The following BPTF variants were observed in gnomAD, a reference collection of about 807,000 sequenced individuals.
The protein encoded by BPTF is nucleosome-remodeling factor subunit BPTF.
BPTF carries 18 observed loss-of-function variants against 292.5 expected under a neutral mutation model. The observed-to-expected ratio is 0.06, with a 90% CI of 0.04 to 0.09. BPTF has a LOEUF of 0.09. Among genes scored for constraint, BPTF ranks in the 10% least tolerant of loss-of-function variants. The pLI is 1.00. For synonymous variants in BPTF, 1,225 were observed against 1,251.9 expected, an observed-to-expected ratio of 0.98 and a Z score of 0.45; for missense variants, 2,726 against 3,498.7, an observed-to-expected ratio of 0.78 and a Z score of 5.57.
At chr17:67,829,848 T>C (rs544452401) in intron 1 of BPTF, among the ~76,000 whole-genome samples, 13 of 152,324 alleles carry the variant, frequency 8.5e-5, no homozygotes, top group South Asian at 2.1e-4. Flanking sequence ...TCACTCCTAA[T>C]ACAAGAAATA....
chr17:67,954,070 T>G (rs2066686603), intron 23 of BPTF, among the ~76,000 whole-genome samples: 1 of 137,094 alleles, frequency 7.3e-6, no homozygotes, highest in African/African-American at 2.7e-5. Context: ...CACCACAGCT[T>G]CCACCTACCC....
intron 4 of BPTF, among the ~76,000 whole-genome samples, chr17:67,877,978 T>C (rs1189492511): frequency 6.6e-6 from 1 of 152,212 alleles, no homozygotes; most frequent in Non-Finnish European, 1.5e-5. Flanking sequence ...TTTATAAATA[T>C]TAAGTGAATA....
At position 67,865,876 on chromosome 17, in the gene BPTF, A is replaced by G. The variant is rs866491087; in HGVS notation, c.1437-588A>G. ...GATTGTCCAGAAGTAAAGAAGAGGG[A>G]TGAGATATTATTTGAGATAACTCCT... On this transcript the variant is annotated intron_variant, in intron 2 of 27. Coordinates refer to ENST00000306378, the MANE Select transcript of BPTF (RefSeq NM_182641.4). 3.3e-5 allele frequency among the ~76,000 whole-genome samples: 5 copies of G among 152,296 alleles called. No homozygotes were observed. In the South Asian group the frequency reaches 6.2e-4, roughly 19 times the overall value.
chr17:67,893,763 A>G, intron 6 of BPTF, 38 bp downstream of exon 6: 1 of 1,396,038 alleles, frequency 7.2e-7, no homozygotes. Context: ...CTGTAAATAT[A>G]CTAAATGTTT....
intron 12 of BPTF, among the ~76,000 whole-genome samples, chr17:67,919,173 A>AAAT (rs141658141): frequency 0.098 from 13,223 of 135,402 alleles, 732 homozygotes; most frequent in Non-Finnish European, 0.11. Context: ...CTCTGTCTCA[A>AAAT]AATAATAATA....
intron 23 of BPTF, among the ~76,000 whole-genome samples, chr17:67,954,504 G>C (rs1326129488): frequency 3.9e-5 from 6 of 152,064 alleles, no homozygotes; most frequent in Admixed American, 2.0e-4. Context: ...CTCACACACA[G>C]CATGTTAGTC....
At chr17:67,881,872 T>G (rs1208015604) in intron 4 of BPTF, among the ~76,000 whole-genome samples, 22 of 131,800 alleles carry the variant, frequency 1.7e-4, no homozygotes, top group East Asian at 6.5e-4. Flanking sequence ...TTTTTTTTTT[T>G]TTTTTTTTTT....
intron 7 of BPTF, among the ~76,000 whole-genome samples, chr17:67,901,827 T>C (rs1433422277): frequency 6.6e-6 from 1 of 152,218 alleles, no homozygotes; most frequent in Admixed American, 6.5e-5. Context: ...CCTATATCCG[T>C]CAGCATTTTC....
In BPTF at chr17:67,932,030, A is replaced by C. The variant is rs1269805035; in HGVS notation, c.6259+11A>C. On this transcript the variant is annotated intron_variant, in intron 18 of 27. Coordinates refer to ENST00000306378, the MANE Select transcript of BPTF (RefSeq NM_182641.4). ...TGATGGTACAGCCAGGTATTTATCCATCCAGCATTATCATTTTACATCTCA... is the reference window on the plus strand; with the variant it reads ...TGATGGTACAGCCAGGTATTTATCCCTCCAGCATTATCATTTTACATCTCA... 5.0e-6 allele frequency: 8 copies of C among 1,600,310 alleles called. No homozygotes were observed. The highest frequency in any genetic ancestry group is 6.8e-6 in the Non-Finnish European group (8 of 1,168,294).
chr17:67,893,901 A>G, intron 6 of BPTF, 133 bp from the exon 7 acceptor site: 1 of 1,237,018 alleles, frequency 8.1e-7, no homozygotes, highest in Non-Finnish European at 1.1e-6. Flanking sequence ...CGACACCACT[A>G]ACTATTTGGA....
intron 3 of BPTF, among the ~76,000 whole-genome samples, chr17:67,870,446 G>A (rs1228124452): frequency 6.6e-6 from 1 of 151,984 alleles, no homozygotes; most frequent in Non-Finnish European, 1.5e-5. Flanking sequence ...TTTAAGGAGT[G>A]TATTGGTAAT....
At chr17:67,874,054 G>A (rs190655460) in intron 3 of BPTF, among the ~76,000 whole-genome samples, 104 of 151,336 alleles carry the variant, frequency 6.9e-4, no homozygotes, top group Admixed American at 1.6e-3. Context: ...CACTGGACTC[G>A]GAAAAAGTCC....
At chr17:67,947,008 G>A (rs1394716705) in intron 21 of BPTF, among the ~76,000 whole-genome samples, 1 of 152,180 alleles carries the variant, frequency 6.6e-6, no homozygotes, top group African/African-American at 2.4e-5. Flanking sequence ...TTACCAAGTT[G>A]TGAGACCTTC....
At chr17:67,980,235 C>T (rs1467933599) in intron 27 of BPTF, among the ~76,000 whole-genome samples, 1 of 152,064 alleles carries the variant, frequency 6.6e-6, no homozygotes, top group Non-Finnish European at 1.5e-5. Flanking sequence ...ATCCCAGCTA[C>T]TGGGGAGGCT....
intron 24 of BPTF, among the ~76,000 whole-genome samples, chr17:67,961,008 T>G (rs1555683754): frequency 1.3e-5 from 2 of 152,244 alleles, no homozygotes; most frequent in South Asian, 4.1e-4. Context: ...TCACTGATTT[T>G]TTTTTACTTT....
chr17:67,923,353 TG>T (rs1180650139), intron 14 of BPTF, among the ~76,000 whole-genome samples: 1 of 149,450 alleles, frequency 6.7e-6, no homozygotes, highest in Non-Finnish European at 1.5e-5. Flanking sequence ...CTACCCTGCC[TG>T]GGGTAAAAGA....
chr17:67,963,012 T>C (rs2067667666), intron 24 of BPTF, among the ~76,000 whole-genome samples: 1 of 152,236 alleles, frequency 6.6e-6, no homozygotes, highest in African/African-American at 2.4e-5. Context: ...GTTACAGTTT[T>C]ACACACATTC....
chr17:67,827,930 CTTTTT>C (rs35169238), intron 1 of BPTF, among the ~76,000 whole-genome samples: 2 of 128,966 alleles, frequency 1.6e-5, no homozygotes. Context: ...AATTTTAGTA[CTTTTT>C]TTTTTTTTTT....
At position 67,911,714 on chromosome 17, in the gene BPTF, G is replaced by A. The variant is rs1168165368; in HGVS notation, c.3830G>A (p.Gly1277Glu). 6.2e-6 allele frequency: 10 copies of A among 1,614,030 alleles called. No homozygotes were observed. In the African/African-American group the frequency reaches 6.7e-5, roughly 11 times the overall value. The change falls in exon 11 of 28, where the codon GGA becomes GAA. Residue 1277 changes from glycine to glutamate, a missense_variant. By Grantham distance (98) the Gly-to-Glu change is moderately conservative. This residue lies in a region of BPTF where 713 missense variants were observed against 714.9 expected (regional missense o/e 1.00). Transcript: ENST00000306378. ...CTGTCAAGAGCAATGGACTTTGAAG[G>A]AAAACTGGGATGTGACTCTGAATCT... is the stretch of plus-strand genomic sequence containing the variant. Reference protein sequence around the residue: ...TPLSRAMDFEGKLGCDSESNS... With the variant: ...TPLSRAMDFEEKLGCDSESNS...
Sources: gnomAD v4.1 joint callset for allele counts (sites outside exome capture counted in the v4.1 genomes callset) on GRCh38, gnomAD v4.1.1 for gene constraint, gnomAD v4.1.1 regional missense constraint, MANE v1.5 for transcripts, NCBI Gene and HGNC (gene_info 2026-07-23, HGNC 2026-07-21) for gene names.